STAU2: variants seen among roughly 807,000 people sequenced by gnomAD.
The protein encoded by STAU2 is staufen double-stranded RNA binding protein 2.
A neutral mutation model predicts 65.9 loss-of-function variants in STAU2; 20 were observed. That is an observed-to-expected ratio of 0.30 (90% confidence interval 0.21 to 0.44). STAU2 has a LOEUF of 0.44. STAU2 is among the 20% of genes least tolerant of loss of function. The pLI is 1.00. For missense variants in STAU2, 558 were observed against 683.9 expected (o/e 0.82, Z 2.05); for synonymous variants, 232 against 233.9 (o/e 0.99, Z 0.07).
intron 6 of STAU2, among the ~76,000 whole-genome samples, chr8:73,664,039 C>G (rs1006902905): frequency 1.3e-5 from 2 of 152,084 alleles, no homozygotes; most frequent in Non-Finnish European, 2.9e-5. Flanking sequence ...TGATAGAACT[C>G]AAGTATAATG....
chr8:73,550,972 T>C (rs756884708), intron 13 of STAU2: 430 of 985,624 alleles, frequency 4.4e-4, no homozygotes, highest in Non-Finnish European at 5.0e-4. Context: ...AATACAGATC[T>C]TCTAGAGCAT....
chr8:73,635,329 A>C (rs1257217607), intron 6 of STAU2, among the ~76,000 whole-genome samples: 1 of 152,164 alleles, frequency 6.6e-6, no homozygotes, highest in African/African-American at 2.4e-5. Flanking sequence ...ACTGGAGGCA[A>C]GTTAACATCT....
chr8:73,686,931 C>T (rs1294419975), intron 5 of STAU2, among the ~76,000 whole-genome samples: 7 of 147,228 alleles, frequency 4.8e-5, no homozygotes, highest in Admixed American at 2.7e-4. Flanking sequence ...CTTGCTCTGT[C>T]GCCCAGGCTG....
chr8:73,527,606 C>T (rs950999443), intron 13 of STAU2: 6 of 963,490 alleles, frequency 6.2e-6, no homozygotes, highest in Admixed American at 4.2e-5. Flanking sequence ...AGCAAAGCTG[C>T]ATGTGCGCAC....
chr8:73,677,212 T>C (rs181703247), intron 5 of STAU2, among the ~76,000 whole-genome samples: 35 of 152,274 alleles, frequency 2.3e-4, no homozygotes, highest in Admixed American at 4.6e-4. Context: ...AGCTAAAATT[T>C]TGAAAGCTGG....
At chr8:73,602,555 C>A (rs749708883) in intron 10 of STAU2, among the ~76,000 whole-genome samples, 2 of 151,844 alleles carry the variant, frequency 1.3e-5, no homozygotes, top group Non-Finnish European at 2.9e-5. Flanking sequence ...TAAACAACAA[C>A]AATAAAACAA....
intron 13 of STAU2, among the ~76,000 whole-genome samples, chr8:73,463,442 G>A (rs1819481779): frequency 6.6e-6 from 1 of 152,168 alleles, no homozygotes; most frequent in South Asian, 2.1e-4. Context: ...CTGAGTACTT[G>A]TTCATAAAGG....
rs976170704 is a variant in STAU2 at position 73,704,490 on chromosome 8, AT to A, written c.114+4541del. Among the ~76,000 whole-genome samples the A allele has an allele frequency of 5.3e-5, 8 of 152,010 alleles. No individual in the cohort carries two copies. In the East Asian group the frequency reaches 1.3e-3, roughly 26 times the overall value. ...AGTCATAATGACGGTGTAGTGCGCT[AT>A]TTTTTTAAAGGTCCTTATCAGTTAC... On this transcript the variant is annotated intron_variant, in intron 4 of 14. Transcript: ENST00000524300.
intron 12 of STAU2, among the ~76,000 whole-genome samples, chr8:73,565,354 T>A (rs955127264): frequency 2.6e-5 from 4 of 152,134 alleles, no homozygotes; most frequent in African/African-American, 9.7e-5. Flanking sequence ...CCCTTTGCCA[T>A]CTGCCATGAC....
At chr8:73,693,844 T>G (rs1167146805) in intron 4 of STAU2, among the ~76,000 whole-genome samples, 1 of 152,240 alleles carries the variant, frequency 6.6e-6, no homozygotes, top group Non-Finnish European at 1.5e-5. Flanking sequence ...ATGAGGCTAA[T>G]AAGAACACAT....
intron 11 of STAU2, among the ~76,000 whole-genome samples, chr8:73,594,250 CACAG>C (rs1393726391): frequency 1.3e-5 from 2 of 152,126 alleles, no homozygotes; most frequent in African/African-American, 4.8e-5. Flanking sequence ...AGCAATAATA[CACAG>C]ACAAAGATTT....
intron 6 of STAU2, among the ~76,000 whole-genome samples, chr8:73,645,437 G>A (rs1815298347): frequency 6.6e-6 from 1 of 152,112 alleles, no homozygotes; most frequent in Admixed American, 6.5e-5. Flanking sequence ...AGAAGAACAT[G>A]TCCAGTTGGA....
chr8:73,437,832 C>A (rs1490375879), intron 13 of STAU2, among the ~76,000 whole-genome samples: 1 of 152,092 alleles, frequency 6.6e-6, no homozygotes, highest in Non-Finnish European at 1.5e-5. Flanking sequence ...GAGAAGAGCT[C>A]GCCCTCCTGC....
intron 6 of STAU2, among the ~76,000 whole-genome samples, chr8:73,668,016 C>T (rs1363403209): frequency 2.0e-5 from 3 of 152,110 alleles, no homozygotes; most frequent in Non-Finnish European, 4.4e-5. Context: ...CCTGTTTCTC[C>T]AGGTTGGACA....
intron 13 of STAU2, 116 bp downstream of exon 13, chr8:73,551,896 A>T: frequency 1.5e-6 from 2 of 1,362,900 alleles, no homozygotes; most frequent in South Asian, 5.0e-5. Flanking sequence ...ATAACTTAAA[A>T]CGTAAGTGGC....
At chr8:73,447,027 C>T (rs894294004) in intron 13 of STAU2, among the ~76,000 whole-genome samples, 8 of 152,128 alleles carry the variant, frequency 5.3e-5, no homozygotes, top group East Asian at 1.9e-4. Context: ...CTGCAACCTC[C>T]GCGTCCCGGG....
chr8:73,704,930 G>C (rs528321267), intron 4 of STAU2, among the ~76,000 whole-genome samples: 1 of 152,256 alleles, frequency 6.6e-6, no homozygotes, highest in South Asian at 2.1e-4. Flanking sequence ...GCCTCCCAAA[G>C]TGCTGGGATT....
At chr8:73,618,351 T>A (rs1040639110) in intron 6 of STAU2, among the ~76,000 whole-genome samples, 4 of 152,108 alleles carry the variant, frequency 2.6e-5, no homozygotes, top group African/African-American at 7.2e-5. Context: ...ATCAATTGTG[T>A]AAAGACATGA....
chr8:73,586,646 CA>C (rs56687221), intron 11 of STAU2, among the ~76,000 whole-genome samples: 9,748 of 62,694 alleles, frequency 0.16, 382 homozygotes, highest in Middle Eastern at 0.22. Flanking sequence ...AAAAAAAATG[CA>C]AAAAAAAAAA....
Sources: allele counts gnomAD v4.1 joint callset (sites outside exome capture counted in the v4.1 genomes callset), GRCh38; gene constraint gnomAD v4.1.1; transcripts MANE v1.5; gene names NCBI Gene and HGNC (gene_info 2026-07-23, HGNC 2026-07-21).